Variants in SYT1 observed in about 807,000 individuals in gnomAD.
The protein encoded by SYT1 is synaptotagmin 1.
SYT1 carries 8 observed loss-of-function variants against 44.8 expected under a neutral mutation model. The observed-to-expected ratio is 0.18, with a 90% CI of 0.10 to 0.32. The LOEUF (loss-of-function observed/expected upper bound fraction) is 0.32. Among genes scored for constraint, SYT1 ranks in the 10% least tolerant of loss-of-function variants. The probability of loss-of-function intolerance (pLI) is 1.00; values close to 1 mark genes in which losing one functional copy is unlikely to be tolerated. For missense variants in SYT1, 286 were observed against 509.3 expected (o/e 0.56, Z 4.22); for synonymous variants, 154 against 188.8 (o/e 0.82, Z 1.51).
At chr12:78,934,844 C>T (rs1877963767) in intron 1 of SYT1, among the ~76,000 whole-genome samples, 1 of 152,160 alleles carries the variant, frequency 6.6e-6, no homozygotes, top group Non-Finnish European at 1.5e-5. Flanking sequence ...GCTGCACGGC[C>T]TCCACATTCT....
At chr12:79,419,390 A>G (rs1868962290) in intron 9 of SYT1, 5 of 440,054 alleles carry the variant, frequency 1.1e-5, no homozygotes, top group Middle Eastern at 3.4e-4. Flanking sequence ...TTCATCAGTC[A>G]TAGTGGTAAG....
chr12:78,932,624 C>T (rs1877816677), intron 1 of SYT1, among the ~76,000 whole-genome samples: 1 of 152,072 alleles, frequency 6.6e-6, no homozygotes, highest in African/African-American at 2.4e-5. Flanking sequence ...ACATGGAAAT[C>T]ATATTCTATT....
rs1323736575 is a variant in SYT1 at position 79,449,985 on chromosome 12, G to A, written c.*861G>A. 1.3e-5 allele frequency: 2 copies of A among 151,316 alleles called. No individual in the cohort carries two copies. The highest frequency in any genetic ancestry group is 4.9e-5 in the African/African-American group (2 of 41,054). The allele number at this position is 151,316 out of a possible 1,614,324, so 9.4% of individuals were successfully genotyped here. A position where few individuals can be genotyped will look rare whatever the true frequency, so the allele number is the denominator to read the frequency against. On this transcript the variant is annotated 3_prime_UTR_variant, in exon 11 of 11. Coordinates refer to ENST00000261205, the MANE Select transcript of SYT1 (RefSeq NM_005639.3). ...ACATTTGTTTGGGGATGGGGGAGAA[G>A]AAGCTAAGGGGAGAAGTCAACATTT...
At chr12:79,086,282 G>A (rs1046331357) in intron 3 of SYT1, among the ~76,000 whole-genome samples, 2 of 152,000 alleles carry the variant, frequency 1.3e-5, no homozygotes, top group Non-Finnish European at 2.9e-5. Context: ...GTGTGTGTGT[G>A]AGCCTGTGAC....
At chr12:79,048,701 G>A (rs1363000156) in intron 3 of SYT1, among the ~76,000 whole-genome samples, 1 of 151,906 alleles carries the variant, frequency 6.6e-6, no homozygotes, top group Non-Finnish European at 1.5e-5. Context: ...TGAGTATTCA[G>A]AGCAGGTTAC....
At chr12:79,139,290 G>A (rs1869404669) in intron 3 of SYT1, among the ~76,000 whole-genome samples, 1 of 152,110 alleles carries the variant, frequency 6.6e-6, no homozygotes. Context: ...AGTATAGAAC[G>A]TCACAAAGAT....
intron 4 of SYT1, 71 bp downstream of exon 4, chr12:79,217,756 T>C (rs2400390): frequency 0.68 from 918,224 of 1,346,126 alleles, 316,607 homozygotes; most frequent in African/African-American, 0.78. Flanking sequence ...GGAAAGAAAG[T>C]AGAACTCCGT....
intron 1 of SYT1, among the ~76,000 whole-genome samples, chr12:78,873,267 T>C (rs1873912515): frequency 6.6e-6 from 1 of 151,668 alleles, no homozygotes; most frequent in Non-Finnish European, 1.5e-5. Flanking sequence ...AAAAGCATGT[T>C]TTGTAATTCT....
Position 79,432,368 on chromosome 12 carries a change from C to A in SYT1, c.929-11705C>A, listed in dbSNP as rs371450805. Among the ~76,000 whole-genome samples the A allele has an allele frequency of 3.9e-5, 6 of 152,150 alleles. No homozygotes were observed. The South Asian group carries it at 6.2e-4, about 16-fold the overall frequency. On this transcript the variant is annotated intron_variant, in intron 9 of 10. Transcript: ENST00000261205. ...CTAATGCTATCCCTCCCCCTGCCCC[C>A]CAACCCCACAAGAGGCCCCGGTGTG...
At chr12:79,360,570 T>G (rs1057423678) in intron 9 of SYT1, among the ~76,000 whole-genome samples, 1 of 152,160 alleles carries the variant, frequency 6.6e-6, no homozygotes, top group Non-Finnish European at 1.5e-5. Flanking sequence ...TTGAACCAAT[T>G]AGACAGGGAT....
chr12:79,076,628 C>G (rs571453848), intron 3 of SYT1, among the ~76,000 whole-genome samples: 2 of 152,042 alleles, frequency 1.3e-5, no homozygotes, highest in Non-Finnish European at 1.5e-5. Flanking sequence ...ACATTCAGTG[C>G]GAGCATATTT....
At chr12:79,041,548 T>C (rs1873574486) in intron 2 of SYT1, among the ~76,000 whole-genome samples, 1 of 152,206 alleles carries the variant, frequency 6.6e-6, no homozygotes, top group African/African-American at 2.4e-5. Flanking sequence ...GTTTTCTTGA[T>C]ACACAATCAT....
intron 2 of SYT1, among the ~76,000 whole-genome samples, chr12:79,014,139 G>GAAAAAAAAAAAAAAAAAAA (rs1170016597): frequency 1.1e-5 from 1 of 90,382 alleles, no homozygotes; most frequent in African/African-American, 4.5e-5. Flanking sequence ...AAAAAAAAAA[G>GAAAAAAAAAAAAAAAAAAA]AAAAAAAAAA....
At chr12:79,345,762 C>T (rs571179026) in intron 8 of SYT1, among the ~76,000 whole-genome samples, 1 of 152,236 alleles carries the variant, frequency 6.6e-6, no homozygotes, top group South Asian at 2.1e-4. Context: ...ATATTTAAAG[C>T]CACATATTAT....
chr12:79,071,906 C>T (rs1876307115), intron 3 of SYT1, among the ~76,000 whole-genome samples: 1 of 152,128 alleles, frequency 6.6e-6, no homozygotes, highest in Non-Finnish European at 1.5e-5. Flanking sequence ...GGGATTAGGA[C>T]TTCAACATAT....
chr12:79,159,541 C>G (rs1277967641), intron 3 of SYT1, among the ~76,000 whole-genome samples: 1 of 152,078 alleles, frequency 6.6e-6, no homozygotes, highest in Non-Finnish European at 1.5e-5. Flanking sequence ...ATTGTTCTAT[C>G]TTATTATGGT....
intron 3 of SYT1, among the ~76,000 whole-genome samples, chr12:79,089,497 G>GAAAAA (rs1317760421): frequency 7.3e-5 from 5 of 68,872 alleles, no homozygotes; most frequent in Non-Finnish European, 8.9e-5. Flanking sequence ...GAAGTCAACT[G>GAAAAA]AAAAAAAAAA....
intron 4 of SYT1, among the ~76,000 whole-genome samples, chr12:79,247,132 A>G (rs1876897483): frequency 1.3e-5 from 2 of 152,178 alleles, no homozygotes; most frequent in Admixed American, 6.5e-5. Context: ...AGATAATTAC[A>G]TTTAGTGATG....
chr12:79,364,333 G>T (rs998223132), intron 9 of SYT1, among the ~76,000 whole-genome samples: 1 of 149,418 alleles, frequency 6.7e-6, no homozygotes, highest in African/African-American at 2.5e-5. Context: ...ATACCTCAAC[G>T]ACAGTCATAA....
Sources: allele counts gnomAD v4.1 joint callset (sites outside exome capture counted in the v4.1 genomes callset), GRCh38; gene constraint gnomAD v4.1.1; transcripts MANE v1.5; gene names NCBI Gene and HGNC (gene_info 2026-07-23, HGNC 2026-07-21).